Variants in TENM3 observed in about 807,000 individuals in gnomAD.
TENM3 encodes the protein teneurin transmembrane protein 3.
A neutral mutation model predicts 255.1 loss-of-function variants in TENM3; 63 were observed. That is an observed-to-expected ratio of 0.25 (90% CI 0.20 to 0.30). The LOEUF is 0.30. Ranked by LOEUF, TENM3 falls within the 10% of genes least tolerant of loss-of-function variation. TENM3 has a pLI of 1.00. For synonymous variants in TENM3, 1,306 were observed against 1,322.3 expected, an observed-to-expected ratio of 0.99 and a Z score of 0.27; for missense variants, 2,929 against 3,461.1, an observed-to-expected ratio of 0.85 and a Z score of 3.86.
chr4:182,526,374 G>A (rs1739183436), intron 3 of TENM3, among the ~76,000 whole-genome samples: 1 of 151,928 alleles, frequency 6.6e-6, no homozygotes, highest in Non-Finnish European at 1.5e-5. Flanking sequence ...GTGATTGGTC[G>A]TCCCCTCAGT....
At chr4:181,770,012 C>A in the TENM3 span, among the ~76,000 whole-genome samples, 1 of 152,200 alleles carries the variant, frequency 6.6e-6, no homozygotes, top group Non-Finnish European at 1.5e-5. Flanking sequence ...AGTCATGAGA[C>A]ACATTGGAAC....
At chr4:182,136,975 T>A in the TENM3 span, among the ~76,000 whole-genome samples, 1 of 151,576 alleles carries the variant, frequency 6.6e-6, no homozygotes, top group East Asian at 1.9e-4. Context: ...CCAGTCAGCA[T>A]CCCCCCCCAC....
In TENM3 at chr4:182,800,087, C is replaced by A; in HGVS notation, c.7836C>A (p.Thr2612=). ...ALALHVRYGM[T]LDEEKARILE... is the part of the protein sequence containing the mutation. ...CGCTGCACGTGCGCTACGGCATGAC[C>A]CTGGACGAGGAGAAGGCGCGCATCC... Residue 2612 remains threonine (T), a synonymous_variant, in exon 28 of 28, where the codon ACC becomes ACA. Transcript: ENST00000511685. The A allele has an allele frequency of 3.1e-6, 5 of 1,590,694 alleles. No homozygotes were observed. Among genetic ancestry groups the A allele is most frequent in the Non-Finnish European group, 4.3e-6 (5 of 1,169,492 alleles).
rs1157448732 is a variant in TENM3, at chr4:182,777,547, C to CTTTTTTTTTTTT, written c.5304+2411_5304+2422dup. On this transcript the variant is annotated intron_variant, in intron 24 of 27. Coordinates refer to ENST00000511685, the MANE Select transcript of TENM3 (RefSeq NM_001080477.4). ...TGTGTGTGTGTGTGTGTGTGTATTTCTTTTTTTTTTTTTTTTTTTTTTTTT... is the reference window on the plus strand; with the variant it reads ...TGTGTGTGTGTGTGTGTGTGTATTTCTTTTTTTTTTTTTTTTTTTTTTTTTTTTTTTTTTTTT... 2.0e-4 allele frequency among the ~76,000 whole-genome samples: 9 copies of CTTTTTTTTTTTT among 45,468 alleles called. 2 individuals carry two copies. The highest frequency in any genetic ancestry group is 6.0e-4 in the African/African-American group (7 of 11,576). 29.8% of individuals were successfully genotyped at this position (45,468 alleles called of 152,430 possible). A position where few individuals can be genotyped will look rare whatever the true frequency, so the allele number is the denominator to read the frequency against.
At chr4:181,798,090 AGTGTGT>A in the TENM3 span, among the ~76,000 whole-genome samples, 2,547 of 149,862 alleles carry the variant, frequency 0.017, 48 homozygotes, top group African/African-American at 0.047. Context: ...TTTCAAAATA[AGTGTGT>A]GTGTGTGTGT....
chr4:181,629,785 G>T, the TENM3 span, among the ~76,000 whole-genome samples: 2 of 152,260 alleles, frequency 1.3e-5, no homozygotes, highest in East Asian at 1.9e-4. Flanking sequence ...AGGGATATTG[G>T]TCTAAAATTC....
chr4:182,076,629 C>T, the TENM3 span, among the ~76,000 whole-genome samples: 1 of 152,198 alleles, frequency 6.6e-6, no homozygotes. Flanking sequence ...AAGCTTCTGA[C>T]ATGTCTCTTC....
intron 1 of TENM3, among the ~76,000 whole-genome samples, chr4:182,197,774 G>C (rs895853979): frequency 1.2e-4 from 18 of 152,182 alleles, no homozygotes; most frequent in Admixed American, 3.9e-4. Context: ...ATGCGGTGCT[G>C]GTTTGTCAAC....
At chr4:181,773,857 C>A in the TENM3 span, among the ~76,000 whole-genome samples, 9 of 152,106 alleles carry the variant, frequency 5.9e-5, no homozygotes, top group Non-Finnish European at 1.2e-4. Flanking sequence ...TGGCATGTAT[C>A]CTGTCCAACT....
the TENM3 span, among the ~76,000 whole-genome samples, chr4:182,017,820 A>G: frequency 6.6e-6 from 1 of 152,224 alleles, no homozygotes; most frequent in South Asian, 2.1e-4. Context: ...CCATGAACAC[A>G]TTCAGAGAGA....
the TENM3 span, among the ~76,000 whole-genome samples, chr4:182,129,958 T>C: frequency 6.6e-6 from 1 of 152,148 alleles, no homozygotes; most frequent in African/African-American, 2.4e-5. Context: ...CAAATCTATA[T>C]TGAGTTGGCT....
chr4:182,569,680 C>G (rs956007263), intron 3 of TENM3, among the ~76,000 whole-genome samples: 25 of 152,160 alleles, frequency 1.6e-4, no homozygotes, highest in Middle Eastern at 3.4e-3. Flanking sequence ...CGAAATGTGA[C>G]AGGACGTCAA....
intron 1 of TENM3, among the ~76,000 whole-genome samples, chr4:182,217,305 G>A (rs1755549476): frequency 6.6e-6 from 1 of 151,950 alleles, no homozygotes; most frequent in Admixed American, 6.6e-5. Flanking sequence ...ACAGACGTGA[G>A]CCACCGCACC....
At chr4:181,966,473 A>T in the TENM3 span, among the ~76,000 whole-genome samples, 4 of 152,134 alleles carry the variant, frequency 2.6e-5, no homozygotes, top group Non-Finnish European at 5.9e-5. Context: ...TTCTCACTTT[A>T]TATAAAAGTC....
the TENM3 span, among the ~76,000 whole-genome samples, chr4:181,944,640 TG>T: frequency 0.21 from 31,376 of 151,954 alleles, 4,049 homozygotes; most frequent in African/African-American, 0.37. Flanking sequence ...CTGCCTGTGA[TG>T]GCCGGAGCCA....
chr4:181,972,202 G>A, the TENM3 span, among the ~76,000 whole-genome samples: 1 of 152,004 alleles, frequency 6.6e-6, no homozygotes, highest in African/African-American at 2.4e-5. Flanking sequence ...CAGGCAGATG[G>A]CTTGAGCCCA....
chr4:182,480,057 G>A (rs1038682502), intron 3 of TENM3, among the ~76,000 whole-genome samples: 8 of 151,884 alleles, frequency 5.3e-5, no homozygotes, highest in African/African-American at 1.7e-4. Flanking sequence ...GCAACAGGAA[G>A]TATTTGATTA....
intron 3 of TENM3, among the ~76,000 whole-genome samples, chr4:182,583,430 GGAAA>G (rs1297807215): frequency 6.7e-6 from 1 of 149,786 alleles, no homozygotes; most frequent in Non-Finnish European, 1.5e-5. Context: ...TTTAAAAACT[GGAAA>G]GAAAGACATT....
chr4:181,490,576 C>T, the TENM3 span, among the ~76,000 whole-genome samples: 2 of 152,098 alleles, frequency 1.3e-5, no homozygotes, highest in East Asian at 1.9e-4. Flanking sequence ...GAGGACAGAA[C>T]TAGTGGTAGT....
Sources: allele counts gnomAD v4.1 joint callset (sites outside exome capture counted in the v4.1 genomes callset), GRCh38; gene constraint gnomAD v4.1.1; transcripts MANE v1.5; gene names NCBI Gene and HGNC (gene_info 2026-07-23, HGNC 2026-07-21).